Variants in BBS9 observed in about 807,000 individuals in gnomAD.
BBS9 encodes Bardet-Biedl syndrome 9, also known as protein PTHB1.
A neutral mutation model predicts 117.7 loss-of-function variants in BBS9; 89 were observed. That is an observed-to-expected ratio of 0.76 (90% confidence interval 0.64 to 0.90). The LOEUF (loss-of-function observed/expected upper bound fraction) is 0.90, where lower values mean the gene tolerates loss of function less well. BBS9 is among the 40% of genes least tolerant of loss of function. The pLI is 0.00. For synonymous variants in BBS9, 379 were observed against 370.9 expected (o/e 1.02, Z -0.25); for missense variants, 982 against 1,042.2 (o/e 0.94, Z 0.80).
At chr7:33,587,475 A>T (rs1023719954) in intron 21 of BBS9, among the ~76,000 whole-genome samples, 1 of 152,098 alleles carries the variant, frequency 6.6e-6, no homozygotes, top group African/African-American at 2.4e-5. Flanking sequence ...TTGAAGGCAG[A>T]CAGTTCTACA....
intron 19 of BBS9, among the ~76,000 whole-genome samples, chr7:33,449,542 C>T (rs970532017): frequency 5.9e-5 from 9 of 151,948 alleles, no homozygotes; most frequent in South Asian, 2.1e-4. Flanking sequence ...GGAAGCCAGC[C>T]GTGAGGGCTT....
At chr7:33,478,427 T>G (rs1842080980) in intron 19 of BBS9, among the ~76,000 whole-genome samples, 1 of 152,214 alleles carries the variant, frequency 6.6e-6, no homozygotes, top group Non-Finnish European at 1.5e-5. Flanking sequence ...GTTTTCTGAT[T>G]GTGGAATTGG....
intron 19 of BBS9, among the ~76,000 whole-genome samples, chr7:33,479,248 C>G (rs1209050186): frequency 1.3e-5 from 2 of 152,044 alleles, no homozygotes; most frequent in Non-Finnish European, 2.9e-5. Flanking sequence ...TGCCTCCTTC[C>G]CTCCCACCTT....
chr7:33,136,732 G>T (rs142905890), intron 1 of BBS9, among the ~76,000 whole-genome samples: 2 of 152,132 alleles, frequency 1.3e-5, no homozygotes, highest in African/African-American at 4.8e-5. Flanking sequence ...TTAGCTAGTA[G>T]TATTTTGTTG....
intron 21 of BBS9, among the ~76,000 whole-genome samples, chr7:33,541,999 T>G (rs1231095587): frequency 1.3e-5 from 2 of 152,206 alleles, no homozygotes; most frequent in East Asian, 1.9e-4. Context: ...TTGTATATAT[T>G]TAGAAAATTC....
chr7:33,284,826 G>A (rs745334717), intron 9 of BBS9, among the ~76,000 whole-genome samples: 8 of 152,080 alleles, frequency 5.3e-5, no homozygotes, highest in Non-Finnish European at 7.4e-5. Context: ...TCTTTTCTAT[G>A]TCTACAGTGG....
chr7:33,320,208 T>A (rs1811403826), intron 9 of BBS9, among the ~76,000 whole-genome samples: 1 of 152,190 alleles, frequency 6.6e-6, no homozygotes, highest in Non-Finnish European at 1.5e-5. Context: ...TCTTCCTATC[T>A]ATATTTTTGT....
At position 33,387,979 on chromosome 7, in the gene BBS9, T is replaced by C. The variant is rs775660869; in HGVS notation, c.1963-13T>C. ...GTCCATTTAATCTCAATTTAAGAAA[T>C]TATTCATTGCAGCTACGGATAAATG... On this transcript the variant is annotated splice_polypyrimidine_tract_variant and intron_variant, in intron 18 of 22. Coordinates refer to ENST00000242067, the MANE Select transcript of BBS9 (RefSeq NM_198428.3). The C allele has an allele frequency of 2.9e-5, 46 of 1,613,338 alleles. No individual in the cohort carries two copies. The Admixed American group carries it at 7.7e-4, about 27-fold the overall frequency.
chr7:33,423,604 CAG>C lies in BBS9; in HGVS notation c.2115+35463_2115+35464del, dbSNP rs75751835. 0.02 allele frequency among the ~76,000 whole-genome samples: 2,976 copies of C among 151,662 alleles called. 193 individuals carry two copies. In the East Asian group the frequency reaches 0.26, roughly 13 times the overall value. Reference sequence around the variant, plus strand: ...CTTGCATTGTTTCAGCAACACAATTCAGAGTCAGTAAACTTCAGAAATTATAG... The same window carrying C: ...CTTGCATTGTTTCAGCAACACAATTCAGTCAGTAAACTTCAGAAATTATAG... On this transcript the variant is annotated intron_variant, in intron 19 of 22. Coordinates refer to ENST00000242067, the MANE Select transcript of BBS9 (RefSeq NM_198428.3).
intron 21 of BBS9, among the ~76,000 whole-genome samples, chr7:33,589,099 G>T (rs1861445109): frequency 6.6e-6 from 1 of 152,098 alleles, no homozygotes; most frequent in Non-Finnish European, 1.5e-5. Flanking sequence ...CAGTTTAAGG[G>T]TTACTCAGAG....
intron 20 of BBS9, among the ~76,000 whole-genome samples, chr7:33,524,261 C>T (rs1025833532): frequency 2.6e-5 from 4 of 151,954 alleles, no homozygotes; most frequent in African/African-American, 9.7e-5. Context: ...ATGCTGGCCT[C>T]ATAAAATGAG....
chr7:33,410,424 A>C (rs1211086013), intron 19 of BBS9, among the ~76,000 whole-genome samples: 1 of 152,094 alleles, frequency 6.6e-6, no homozygotes, highest in Admixed American at 6.6e-5. Flanking sequence ...TCTTAGTTTC[A>C]TCTTGGTCAG....
chr7:33,565,829 C>A (rs60501902), intron 21 of BBS9, among the ~76,000 whole-genome samples: 49 of 23,472 alleles, frequency 2.1e-3, no homozygotes, highest in Admixed American at 7.4e-3. Flanking sequence ...ATATATATAC[C>A]GCTATATATA....
chr7:33,309,708 A>C (rs1808800997), intron 9 of BBS9, among the ~76,000 whole-genome samples: 1 of 152,188 alleles, frequency 6.6e-6, no homozygotes, highest in Non-Finnish European at 1.5e-5. Flanking sequence ...TTTTAAACTG[A>C]AAATACTCAT....
chr7:33,340,901 T>C lies in BBS9; in HGVS notation c.1203T>C (p.Val401=). The C allele has an allele frequency of 6.2e-7, 1 of 1,613,044 alleles. No homozygotes were observed. Among genetic ancestry groups the C allele is most frequent in the East Asian group, 2.2e-5 (1 of 44,850 alleles). ...IIKDVNKSQG[V]WPMTEREDDL... ...TTTTCTTTTTTTAAATCACAGGTGT[T>C]TGGCCCATGACTGAGAGAGAAGATG... Residue 401 remains valine, a synonymous_variant, in exon 11 of 23, where the codon GTT becomes GTC. Coordinates refer to ENST00000242067, the MANE Select transcript of BBS9 (RefSeq NM_198428.3).
intron 9 of BBS9, among the ~76,000 whole-genome samples, chr7:33,278,691 A>G (rs1388343788): frequency 1.3e-5 from 2 of 152,140 alleles, no homozygotes; most frequent in East Asian, 1.9e-4. Flanking sequence ...TCTCTGCCCT[A>G]TGGGTCGACA....
chr7:33,560,423 A>G (rs955280742), intron 21 of BBS9, among the ~76,000 whole-genome samples: 4 of 152,214 alleles, frequency 2.6e-5, no homozygotes, highest in Admixed American at 2.0e-4. Context: ...GAAGGAACAC[A>G]GTCCAAACTT....
At chr7:33,283,993 C>T (rs376457064) in intron 9 of BBS9, among the ~76,000 whole-genome samples, 9 of 152,192 alleles carry the variant, frequency 5.9e-5, no homozygotes, top group South Asian at 2.1e-4. Flanking sequence ...CAGTGGCTGC[C>T]GCTTGTCTTT....
intron 7 of BBS9, among the ~76,000 whole-genome samples, chr7:33,267,647 C>A (rs551189659): frequency 6.6e-6 from 1 of 152,040 alleles, no homozygotes; most frequent in Non-Finnish European, 1.5e-5. Flanking sequence ...TCCTACCTTC[C>A]AGTCTTTGTG....
Sources: allele counts gnomAD v4.1 joint callset (sites outside exome capture counted in the v4.1 genomes callset), GRCh38; gene constraint gnomAD v4.1.1; transcripts MANE v1.5; gene names NCBI Gene and HGNC (gene_info 2026-07-23, HGNC 2026-07-21).